KIF15: variants seen among roughly 807,000 people sequenced by gnomAD.
KIF15 encodes kinesin-like protein KIF15.
Under a neutral mutation model 190.6 loss-of-function variants are expected in KIF15, and 140 were observed. The observed-to-expected ratio is 0.73, with a 90% CI of 0.64 to 0.84. The LOEUF (loss-of-function observed/expected upper bound fraction) is 0.84. Ranked by LOEUF, KIF15 falls within the 40% of genes least tolerant of loss-of-function variation. The pLI, the probability that KIF15 is intolerant of heterozygous loss-of-function variation, is 0.00. For synonymous variants in KIF15, 528 were observed against 551.3 expected (o/e 0.96, Z 0.59); for missense variants, 1,372 against 1,584.4 (o/e 0.87, Z 2.28).
chr3:44,775,556 A>G (rs1324845914), intron 3 of KIF15, 119 bp downstream of exon 3: 2 of 663,778 alleles, frequency 3.0e-6, no homozygotes, highest in Non-Finnish European at 4.9e-6. Context: ...CCCGGGTTCA[A>G]GTGATTCTCC....
intron 20 of KIF15, among the ~76,000 whole-genome samples, chr3:44,819,699 T>C (rs1229707263): frequency 1.3e-5 from 2 of 152,192 alleles, no homozygotes; most frequent in African/African-American, 4.8e-5. Flanking sequence ...TGCGATGTGG[T>C]GCTGAGAAGA....
chr3:44,852,348 A>T lies in KIF15; in HGVS notation c.4104+9A>T, dbSNP rs77755805. On this transcript the variant is annotated intron_variant, in intron 34 of 34. Coordinates refer to ENST00000326047, the MANE Select transcript of KIF15 (RefSeq NM_020242.3). ...ATGTCAGGCTTGCTGAGGTAAACCT[A>T]AAAATTATTCTGAATAAATTCTGTC... 6.8e-4 allele frequency: 1,081 copies of T among 1,597,874 alleles called. 3 individuals are homozygous for T. The African/African-American group carries it at 0.013, about 19-fold the overall frequency.
rs771699623 is a variant in KIF15, at chr3:44,786,579, C to T, written c.639+5C>T. ...TCAGCTGCTGAAGCCTATCAGGTAC[C>T]CTGCCATGAGTACTTAATTGGTGCT... is the stretch of plus-strand genomic sequence containing the variant. On this transcript the variant is annotated splice_donor_5th_base_variant and intron_variant, in intron 7 of 34. Transcript: ENST00000326047. 6.2e-7 allele frequency: 1 copy of T among 1,603,970 alleles called. No homozygotes were observed. The highest frequency in any genetic ancestry group is 1.7e-5 in the Admixed American group (1 of 59,518).
chr3:44,818,172 A>G (rs1452633591), intron 20 of KIF15, among the ~76,000 whole-genome samples: 3 of 152,184 alleles, frequency 2.0e-5, no homozygotes, highest in South Asian at 2.1e-4. Flanking sequence ...TAAATATACA[A>G]TCATGTCATC....
intron 27 of KIF15, among the ~76,000 whole-genome samples, chr3:44,838,878 T>C (rs527529813): frequency 6.6e-6 from 1 of 152,258 alleles, no homozygotes; most frequent in East Asian, 1.9e-4. Flanking sequence ...GACTGAGACT[T>C]GCTCAGCTGC....
chr3:44,850,306 C>T (rs1186240551), intron 32 of KIF15, among the ~76,000 whole-genome samples: 2 of 152,146 alleles, frequency 1.3e-5, no homozygotes, highest in African/African-American at 4.8e-5. Flanking sequence ...CAGAGTCCGG[C>T]TCCTAGCTAA....
rs116387400 is a variant in KIF15, at chr3:44,780,755, T to C, written c.324-130T>C. The C allele has an allele frequency of 5.3e-6, 3 of 568,194 alleles. No individual in the cohort carries two copies. The East Asian group carries it at 9.5e-5, about 18-fold the overall frequency. 35.2% of individuals were successfully genotyped at this position (568,194 alleles called of 1,614,324 possible). A position where few individuals can be genotyped will look rare whatever the true frequency, so the allele number is the denominator to read the frequency against. Reference sequence around the variant, plus strand: ...GGAGGCAGATCATTCACTTTTTATCTAATAGAATTTAAAAATAGAAAGAAA... The same window carrying C: ...GGAGGCAGATCATTCACTTTTTATCCAATAGAATTTAAAAATAGAAAGAAA... On this transcript the variant is annotated intron_variant, in intron 4 of 34. Transcript: ENST00000326047.
intron 5 of KIF15, among the ~76,000 whole-genome samples, chr3:44,781,718 A>AT (rs1207460988): frequency 2.0e-5 from 3 of 152,204 alleles, no homozygotes; most frequent in Non-Finnish European, 4.4e-5. Flanking sequence ...AATTTAAAAA[A>AT]TTTTAGCCAT....
At position 44,797,921 on chromosome 3, in the gene KIF15, A is replaced by C. The variant is rs1335508758; in HGVS notation, c.1063A>C (p.Asn355His). The change falls in exon 10 of 35, where the codon AAC (asparagine) becomes CAC (histidine). Residue 355 changes from asparagine to histidine, a missense_variant. By Grantham distance (68) the Asn-to-His change is moderately conservative. Transcript: ENST00000326047. The stretch of plus-strand genomic sequence containing the variant: ...TTTTGGGGAAACCCTATCAACACTT[A>C]ACTTTGCTCAAAGAGCCAAGCTGAT... Reference protein sequence around the residue: ...RCFGETLSTLNFAQRAKLIKN... With the variant: ...RCFGETLSTLHFAQRAKLIKN... The C allele has an allele frequency of 6.2e-7, 1 of 1,613,608 alleles. No individual in the cohort carries two copies. Among genetic ancestry groups the C allele is most frequent in the East Asian group, 2.2e-5 (1 of 44,886 alleles).
intron 7 of KIF15, among the ~76,000 whole-genome samples, chr3:44,792,065 ATCTC>A (rs112060223): frequency 1.3e-5 from 2 of 151,142 alleles, no homozygotes; most frequent in African/African-American, 2.4e-5. Flanking sequence ...AGTTTGGAGG[ATCTC>A]TCTCTCTCTC....
intron 30 of KIF15, among the ~76,000 whole-genome samples, chr3:44,845,103 G>A (rs1254955508): frequency 1.3e-5 from 2 of 152,184 alleles, no homozygotes; most frequent in East Asian, 3.8e-4. Flanking sequence ...TAACCTTTGA[G>A]GACAGCCATG....
intron 26 of KIF15, among the ~76,000 whole-genome samples, chr3:44,833,591 C>T (rs537522087): frequency 3.4e-5 from 5 of 148,390 alleles, no homozygotes; most frequent in Admixed American, 2.7e-4. Context: ...TGACAGGAGG[C>T]GGAGCTCAGG....
chr3:44,793,975 G>C (rs749501016), intron 7 of KIF15, among the ~76,000 whole-genome samples: 3 of 151,192 alleles, frequency 2.0e-5, no homozygotes, highest in Non-Finnish European at 4.4e-5. Flanking sequence ...TGAATTCCTG[G>C]GCTCAAGAGA....
At chr3:44,842,951 C>T (rs545888712) in intron 29 of KIF15, among the ~76,000 whole-genome samples, 174 bp from the exon 30 acceptor site, 1 of 152,050 alleles carries the variant, frequency 6.6e-6, no homozygotes, top group Admixed American at 6.5e-5. Context: ...TCATGAATCA[C>T]CATTCTAGGC....
chr3:44,830,130 T>C lies in KIF15; in HGVS notation c.3048+55T>C. 2.3e-6 allele frequency: 2 copies of C among 876,020 alleles called. 1 individual carries two copies. The highest frequency in any genetic ancestry group is 3.8e-5 in the South Asian group (2 of 52,996). The allele number at this position is 876,020 out of a possible 1,614,324, so 54.3% of individuals were successfully genotyped here. On this transcript the variant is annotated intron_variant, in intron 25 of 34. Transcript: ENST00000326047. ...TTTGAGCATGGGACACTTCACAGAC[T>C]TTTCAAGAGTTTAACAGATGCTCCA...
chr3:44,845,575 C>T (rs1275649606), intron 30 of KIF15, among the ~76,000 whole-genome samples: 1 of 151,820 alleles, frequency 6.6e-6, no homozygotes, highest in Non-Finnish European at 1.5e-5. Flanking sequence ...ACTATGTTGC[C>T]AAAACATCAA....
At chr3:44,865,220 G>A in intron 6 of KIF15, 2 of 1,612,910 alleles carry the variant, frequency 1.2e-6, no homozygotes, top group Non-Finnish European at 1.7e-6. Flanking sequence ...AGATCATGAT[G>A]GTGGCCCAGC....
chr3:44,810,750 A>C lies in KIF15; in HGVS notation c.1972-96A>C, dbSNP rs556363553. ...GGTACTTTTTCCTTTCTTTTCATGAATAGTATTTCAATTTTATCCTCTCTA... is the reference window on the plus strand; with the variant it reads ...GGTACTTTTTCCTTTCTTTTCATGACTAGTATTTCAATTTTATCCTCTCTA... On this transcript the variant is annotated intron_variant, in intron 16 of 34. Transcript: ENST00000326047. The C allele has an allele frequency of 7.1e-6, 7 of 986,684 alleles. No homozygotes were observed. The East Asian group carries it at 1.8e-4, about 25-fold the overall frequency. 61.1% of individuals were successfully genotyped at this position (986,684 alleles called of 1,614,324 possible).
intron 3 of KIF15, among the ~76,000 whole-genome samples, chr3:44,775,672 T>C (rs1705848848): frequency 6.6e-6 from 1 of 151,786 alleles, no homozygotes; most frequent in Non-Finnish European, 1.5e-5. Flanking sequence ...GCCAGGATGG[T>C]CTTGATCTCT....
Sources: gnomAD v4.1 joint callset for allele counts (sites outside exome capture counted in the v4.1 genomes callset) on GRCh38, gnomAD v4.1.1 for gene constraint, MANE v1.5 for transcripts, NCBI Gene and HGNC (gene_info 2026-07-23, HGNC 2026-07-21) for gene names.